Variants in MYO7B observed in about 807,000 individuals in gnomAD.
The protein encoded by MYO7B is unconventional myosin-VIIb.
In MYO7B, 212 loss-of-function variants were observed where a neutral mutation model predicts 259.7. The observed-to-expected ratio is 0.82, with a 90% CI of 0.73 to 0.91. The LOEUF (loss-of-function observed/expected upper bound fraction) is 0.91, where lower values mean the gene tolerates loss of function less well. Ranked by LOEUF, MYO7B falls within the 40% of genes least tolerant of loss-of-function variation. The probability of loss-of-function intolerance (pLI) is 0.00; values close to 1 mark genes in which losing one functional copy is unlikely to be tolerated. For synonymous variants in MYO7B, 1,197 were observed against 1,166.4 expected (o/e 1.03, Z -0.54); for missense variants, 2,732 against 2,813.5 (o/e 0.97, Z 0.66).
At chr2:127,574,778 G>A (rs2104909607) in intron 7 of MYO7B, among the ~76,000 whole-genome samples, 1 of 152,282 alleles carries the variant, frequency 6.6e-6, no homozygotes, top group East Asian at 1.9e-4. Context: ...CCTGTGCTCA[G>A]GGGGCCCCAT....
intron 2 of MYO7B, among the ~76,000 whole-genome samples, chr2:127,561,534 TG>T (rs1464708253): frequency 6.6e-6 from 1 of 151,554 alleles, no homozygotes; most frequent in Non-Finnish European, 1.5e-5. Context: ...AAGTGCAGAG[TG>T]GTCATGTTTT....
In MYO7B at chr2:127,636,998, G is replaced by A. The variant is rs1681866778; in HGVS notation, c.6327+85G>A. On this transcript the variant is annotated intron_variant, in intron 47 of 47. Transcript: ENST00000409816. The surrounding 1 kb of genome is among the most constrained non-coding windows in gnomAD (Gnocchi z 4.5). ...TTCCCCACCCTCACCCCTTTCAAGT[G>A]GCTCACTAAGAGGGCTCAGTCACAG... The A allele has an allele frequency of 1.9e-6, 3 of 1,569,204 alleles. No homozygotes were observed. The highest frequency in any genetic ancestry group is 1.3e-5 in the African/African-American group (1 of 74,198).
chr2:127,622,736 A>T (rs1680901634), intron 28 of MYO7B, among the ~76,000 whole-genome samples: 1 of 151,994 alleles, frequency 6.6e-6, no homozygotes, highest in Admixed American at 6.5e-5. Context: ...GCTCCCTCCC[A>T]CGAGCCCTGG....
At position 127,608,725 on chromosome 2, in the gene MYO7B, G is replaced by T; in HGVS notation, c.2661G>T (p.Pro887=). The T allele has an allele frequency of 6.2e-7, 1 of 1,612,382 alleles. No individual in the cohort carries two copies. Among genetic ancestry groups the T allele is most frequent in the East Asian group, 2.2e-5 (1 of 44,854 alleles). Residue 887 remains proline (P), a synonymous_variant, in exon 22 of 48, where the codon CCG becomes CCT. Transcript: ENST00000409816. The part of the protein sequence containing the change: ...QRKANAPLVI[P]AEGQKSQGAL... ...GTATGCAGGCGCCGCTGGTCATCCC[G>T]GCCGAGGGGCAGAAAAGCCAAGGCG...
chr2:127,593,508 C>T, intron 17 of MYO7B, 38 bp from the exon 18 acceptor site: 1 of 1,591,606 alleles, frequency 6.3e-7, no homozygotes, highest in Non-Finnish European at 8.6e-7. Flanking sequence ...GGGGTCTCTG[C>T]CCCACCTCCC....
chr2:127,632,670 T>C (rs763233464), intron 39 of MYO7B, among the ~76,000 whole-genome samples: 3 of 152,146 alleles, frequency 2.0e-5, no homozygotes, highest in Admixed American at 6.5e-5. Flanking sequence ...GCCTGAGGGA[T>C]AGAGAGAAAC....
intron 19 of MYO7B, among the ~76,000 whole-genome samples, chr2:127,603,219 T>C (rs969499574): frequency 1.3e-5 from 2 of 152,202 alleles, no homozygotes; most frequent in Non-Finnish European, 2.9e-5. Context: ...TGACCTCCTC[T>C]CCTGAATCAT....
At position 127,607,212 on chromosome 2, in the gene MYO7B, G is replaced by A. The variant is rs201386852; in HGVS notation, c.2431G>A (p.Val811Met). ...CTCTCTCTTGCCTCCGCAGATCCTC[G>A]TGGGCTTTGAGCGCCTGCAGGCTAT... is the stretch of plus-strand genomic sequence containing the variant. ...CNRRNFKLIL[V>M]GFERLQAIAR... Residue 811 changes from valine (V) to methionine (M), a missense_variant, in exon 21 of 48, where the codon GTG becomes ATG. This residue lies in a region of MYO7B where 1,906 missense variants were observed against 2,026.4 expected (regional missense o/e 0.94). Coordinates refer to ENST00000409816, the MANE Select transcript of MYO7B (RefSeq NM_001393586.1). This position sits in a 1 kb window ranked among gnomAD's most constrained non-coding sequence, Gnocchi z 4.4. The A allele has an allele frequency of 9.0e-6, 14 of 1,548,280 alleles. No individual in the cohort carries two copies. The highest frequency in any genetic ancestry group is 3.9e-5 in the Admixed American group (2 of 50,932).
Position 127,573,980 on chromosome 2 carries a change from A to G in MYO7B, c.653A>G (p.Asp218Gly), listed in dbSNP as rs996196701. The G allele has an allele frequency of 5.6e-6, 9 of 1,613,920 alleles. No individual in the cohort carries two copies. The highest frequency in any genetic ancestry group is 4.0e-5 in the African/African-American group (3 of 74,938). Residue 218 changes from aspartate to glycine, a missense_variant, in exon 7 of 48, where the codon GAC becomes GGC. Physicochemically the swap from Asp to Gly is moderately conservative, Grantham distance 94. This residue lies in a region of MYO7B where 1,906 missense variants were observed against 2,026.4 expected (regional missense o/e 0.94). Transcript: ENST00000409816. ...DNSSRFGKYI[D>G]IYFNPSGVIE... is the part of the protein sequence containing the mutation. The stretch of plus-strand genomic sequence containing the variant: ...TCAAGCCGCTTTGGGAAGTACATTG[A>G]CATCTACTTTAACCCCAGCGGGGTG...
chr2:127,597,076 A>C lies in MYO7B; in HGVS notation c.2339+520A>C. On this transcript the variant is annotated intron_variant, in intron 19 of 47. Transcript: ENST00000409816. This position sits in a 1 kb window ranked among gnomAD's most constrained non-coding sequence, Gnocchi z 4.8. ...AAGTAGAAGACAGCCAGCCCCGGGA[A>C]TAGAGAATGAGGGGACAGAGAGCAG... Among the ~76,000 whole-genome samples, 1 of 152,110 alleles carries C rather than the reference A, an allele frequency of 6.6e-6. No homozygotes were observed. The highest frequency in any genetic ancestry group is 2.4e-5 in the African/African-American group (1 of 41,450).
At position 127,584,900 on chromosome 2, in the gene MYO7B, C is replaced by G. The variant is rs773575183; in HGVS notation, c.1677C>G (p.Tyr559Ter). 2 of 1,613,886 alleles carry G rather than the reference C, an allele frequency of 1.2e-6. No individual in the cohort carries two copies. The highest frequency in any genetic ancestry group is 1.7e-6 in the Non-Finnish European group (2 of 1,179,860). ...FGIAHFAGEVYYQAEGFLEKN... is the reference protein window; with the variant it reads ...FGIAHFAGEV ...TTGCCCATTTTGCCGGCGAGGTGTA[C>G]TACCAAGCAGAAGGTGGGTGCAGCT... Residue 559 changes from tyrosine (Y) to a stop codon, truncating the protein, a stop_gained, in exon 14 of 48, where the codon TAC (tyrosine) becomes TAG (stop). Coordinates refer to ENST00000409816, the MANE Select transcript of MYO7B (RefSeq NM_001393586.1). LOFTEE classifies it high-confidence loss of function. This position sits in a 1 kb window ranked among gnomAD's most constrained non-coding sequence, Gnocchi z 5.8.
chr2:127,636,557 C>T lies in MYO7B; in HGVS notation c.6136C>T (p.Pro2046Ser), dbSNP rs1355658901. The part of the protein sequence containing the change: ...AFFEVKQTSE[P>S]SYPDVILIAI... ...CCCTCCCTCCCAGCAAACCTCGGAG[C>T]CTTCCTACCCGGACGTCATCCTCAT... is the stretch of plus-strand genomic sequence containing the variant. The change falls in exon 46 of 48, where the codon CCT becomes TCT. Residue 2046 changes from proline (P) to serine (S), a missense_variant. This residue lies in a region of MYO7B where 821 missense variants were observed against 769.3 expected (regional missense o/e 1.07). Coordinates refer to ENST00000409816, the MANE Select transcript of MYO7B (RefSeq NM_001393586.1). The surrounding 1 kb of genome is among the most constrained non-coding windows in gnomAD (Gnocchi z 4.5). 1 of 1,611,604 alleles carries T rather than the reference C, an allele frequency of 6.2e-7. No homozygotes were observed. The highest frequency in any genetic ancestry group is 8.5e-7 in the Non-Finnish European group (1 of 1,178,946).
chr2:127,553,987 A>G (rs929723442), intron 1 of MYO7B, among the ~76,000 whole-genome samples: 1 of 152,204 alleles, frequency 6.6e-6, no homozygotes, highest in Non-Finnish European at 1.5e-5. Context: ...GATTTTGTCA[A>G]ATGCTTTTTC....
At chr2:127,564,578 G>A (rs555256917) in intron 3 of MYO7B, among the ~76,000 whole-genome samples, 4 of 152,324 alleles carry the variant, frequency 2.6e-5, no homozygotes, top group African/African-American at 4.8e-5. Context: ...GGGGCAGGAC[G>A]GGGCAAAATG....
chr2:127,567,867 A>C (rs1360682658), intron 5 of MYO7B, among the ~76,000 whole-genome samples: 1 of 152,152 alleles, frequency 6.6e-6, no homozygotes, highest in Non-Finnish European at 1.5e-5. Flanking sequence ...GCTTTGAAGA[A>C]AAACACAGCA....
intron 18 of MYO7B, among the ~76,000 whole-genome samples, chr2:127,594,194 G>A (rs1679677529): frequency 6.6e-6 from 1 of 152,260 alleles, no homozygotes; most frequent in African/African-American, 2.4e-5. Context: ...GGGAGCTGAA[G>A]TCACACAAAG....
Position 127,613,788 on chromosome 2 carries a change from G to A in MYO7B, c.3398+1185G>A, listed in dbSNP as rs533038008. ...ACTCAAACTCTGTCTCCTCCATGAT[G>A]AGCAGAAGCTAGAATCCCTTTTTAG... On this transcript the variant is annotated intron_variant, in intron 26 of 47. Transcript: ENST00000409816. This position sits in a 1 kb window ranked among gnomAD's most constrained non-coding sequence, Gnocchi z 4.3. 6.6e-6 allele frequency among the ~76,000 whole-genome samples: 1 copy of A among 152,338 alleles called. No homozygotes were observed. Among genetic ancestry groups the A allele is most frequent in the Admixed American group, 6.5e-5 (1 of 15,296 alleles).
chr2:127,601,950 C>A (rs1010080957), intron 19 of MYO7B, among the ~76,000 whole-genome samples: 2 of 152,204 alleles, frequency 1.3e-5, no homozygotes, highest in Non-Finnish European at 2.9e-5. Flanking sequence ...AAGGTATCAG[C>A]AACATTGAGG....
At chr2:127,603,110 G>A (rs996877263) in intron 19 of MYO7B, among the ~76,000 whole-genome samples, 4 of 151,992 alleles carry the variant, frequency 2.6e-5, no homozygotes, top group Admixed American at 6.5e-5. Context: ...TGCTATTCCC[G>A]CTACATATGC....
Sources: gnomAD v4.1 joint callset for allele counts (sites outside exome capture counted in the v4.1 genomes callset) on GRCh38, gnomAD v4.1.1 for gene constraint, gnomAD v4.1.1 regional missense constraint, Gnocchi (gnomAD v3.1) non-coding constraint, MANE v1.5 for transcripts, NCBI Gene and HGNC (gene_info 2026-07-23, HGNC 2026-07-21) for gene names.